The following ATP2B4 variants were observed in gnomAD, a reference collection of about 807,000 sequenced individuals.
ATP2B4 encodes ATPase plasma membrane Ca2+ transporting 4.
In ATP2B4, 39 loss-of-function variants were observed where a neutral mutation model predicts 110.3. The ratio of observed to expected loss-of-function variants is 0.35; its 90% CI spans 0.27 to 0.46. The LOEUF is 0.46. Ranked by LOEUF, ATP2B4 falls within the 20% of genes least tolerant of loss-of-function variation. The pLI, the probability that ATP2B4 is intolerant of heterozygous loss-of-function variation, is 1.00. For missense variants in ATP2B4, 1,135 were observed against 1,530.9 expected, an observed-to-expected ratio of 0.74 and a Z score of 4.32; for synonymous variants, 538 against 571.7, an observed-to-expected ratio of 0.94 and a Z score of 0.84.
chr1:203,711,964 C>T lies in ATP2B4; in HGVS notation c.2036C>T (p.Pro679Leu). Reference sequence around the variant, plus strand: ...CCCTTTCTTCACTCTCCATAGGTGCCAGATGCTATTGCCAAATGCAAACAA... The same window carrying T: ...CCCTTTCTTCACTCTCCATAGGTGCTAGATGCTATTGCCAAATGCAAACAA... ...GIEDPVRPEV[P>L]DAIAKCKQAG... The change falls in exon 13 of 21, where the codon CCA becomes CTA. Residue 679 changes from proline to leucine, a missense_variant. Physicochemically the swap from Pro to Leu is moderately conservative, Grantham distance 98. This residue lies in a region of ATP2B4 where 368 missense variants were observed against 455.9 expected (regional missense o/e 0.81). Coordinates refer to ENST00000357681, the MANE Select transcript of ATP2B4 (RefSeq NM_001684.5). 12 of 1,614,058 alleles carry T rather than the reference C, an allele frequency of 7.4e-6. No homozygotes were observed. Among genetic ancestry groups the T allele is most frequent in the Non-Finnish European group, 1.0e-5 (12 of 1,179,962 alleles).
At chr1:203,713,064 G>T in intron 13 of ATP2B4, 101 bp from the exon 14 acceptor site, 1 of 1,236,344 alleles carries the variant, frequency 8.1e-7, no homozygotes, top group Non-Finnish European at 1.2e-6. Context: ...GGACTGTGGT[G>T]TACCCAATCT....
chr1:203,721,290 T>A lies in ATP2B4; in HGVS notation c.2692T>A (p.Ser898Thr), dbSNP rs751446232. The change falls in exon 17 of 21, where the codon TCT becomes ACT. Residue 898 changes from serine to threonine, a missense_variant. Ser to Thr is a moderately conservative substitution (Grantham distance 58, BLOSUM62 1). Transcript: ENST00000357681. ...LALATEPPTESLLKRRPYGRN... is the reference protein window; with the variant it reads ...LALATEPPTETLLKRRPYGRN... ...CCTGGCCACAGAGCCCCCTACGGAA[T>A]CTCTGTTGAAGCGGCGCCCCTATGG... is the stretch of plus-strand genomic sequence containing the variant. 1 of 1,614,234 alleles carries A rather than the reference T, an allele frequency of 6.2e-7. No individual in the cohort carries two copies. Among genetic ancestry groups the A allele is most frequent in the Non-Finnish European group, 8.5e-7 (1 of 1,180,034 alleles).
intron 19 of ATP2B4, among the ~76,000 whole-genome samples, chr1:203,724,890 T>TTG (rs1553251257): frequency 6.8e-6 from 1 of 147,644 alleles, no homozygotes; most frequent in Non-Finnish European, 1.5e-5. Context: ...TTTTTTTTTT[T>TTG]TTCTGAGACA....
At chr1:203,657,815 A>G in intron 1 of ATP2B4, 1 of 536,208 alleles carries the variant, frequency 1.9e-6, no homozygotes, top group Non-Finnish European at 3.3e-6. Flanking sequence ...AACACTCTCA[A>G]TTTTAAGGTC....
chr1:203,632,313 C>T (rs1663293559), intron 1 of ATP2B4, among the ~76,000 whole-genome samples: 1 of 150,986 alleles, frequency 6.6e-6, no homozygotes, highest in Non-Finnish European at 1.5e-5. Flanking sequence ...ATATAGTATG[C>T]CACCTTTGGG....
chr1:203,654,042 T>C (rs1223921627), intron 1 of ATP2B4, among the ~76,000 whole-genome samples: 1 of 147,584 alleles, frequency 6.8e-6, no homozygotes, highest in Non-Finnish European at 1.5e-5. Flanking sequence ...GGAGTGCAAT[T>C]GTGCGATCTC....
intron 20 of ATP2B4, among the ~76,000 whole-genome samples, chr1:203,732,187 A>G (rs1666746237): frequency 6.6e-6 from 1 of 150,908 alleles, no homozygotes; most frequent in Non-Finnish European, 1.5e-5. Flanking sequence ...GGAAGGAAGG[A>G]AGAAAATGAA....
In ATP2B4 at chr1:203,739,999, GA is replaced by G; in HGVS notation, c.*147del. 1 of 890,058 alleles carries G rather than the reference GA, an allele frequency of 1.1e-6. No individual in the cohort carries two copies. Among genetic ancestry groups the G allele is most frequent in the Non-Finnish European group, 1.7e-6 (1 of 600,710 alleles). The allele number at this position is 890,058 out of a possible 1,614,324, so 55.1% of individuals were successfully genotyped here. ...GTGAAGTGAACCTCTACCTGACCAT[GA>G]AGAGGCAAGAGCACAGACTTACAAG... On this transcript the variant is annotated 3_prime_UTR_variant, in exon 21 of 21. Transcript: ENST00000357681.
Position 203,712,096 on chromosome 1 carries a change from A to G in ATP2B4, c.2168A>G (p.Glu723Gly). ...CCTGGGGATGACTTCCTGTGCTTAG[A>G]AGGCAAAGAATTCAACCGGCTCATC... is the stretch of plus-strand genomic sequence containing the variant. ...LTPGDDFLCLEGKEFNRLIRN... is the reference protein window; with the variant it reads ...LTPGDDFLCLGGKEFNRLIRN... Residue 723 changes from glutamate to glycine, a missense_variant, in exon 13 of 21, where the codon GAA becomes GGA. Glu to Gly is a moderately conservative substitution (Grantham distance 98, BLOSUM62 -2). Coordinates refer to ENST00000357681, the MANE Select transcript of ATP2B4 (RefSeq NM_001684.5). 1 of 1,614,124 alleles carries G rather than the reference A, an allele frequency of 6.2e-7. No homozygotes were observed. The highest frequency in any genetic ancestry group is 8.5e-7 in the Non-Finnish European group (1 of 1,180,018).
Position 203,699,564 on chromosome 1 carries a change from A to G in ATP2B4, c.496A>G (p.Thr166Ala). The stretch of plus-strand genomic sequence containing the variant: ...CTCAGTGATCATCGTGGTGTTAGTG[A>G]CTGCCTTTAATGATTGGAGCAAAGA... ...LFSVIIVVLVTAFNDWSKEKQ... is the reference protein window; with the variant it reads ...LFSVIIVVLVAAFNDWSKEKQ... Residue 166 changes from threonine to alanine, a missense_variant, in exon 4 of 21, where the codon ACT becomes GCT. Physicochemically the swap from Thr to Ala is moderately conservative, Grantham distance 58. This residue lies in a region of ATP2B4 where 101 missense variants were observed against 182.6 expected (regional missense o/e 0.55). Coordinates refer to ENST00000357681, the MANE Select transcript of ATP2B4 (RefSeq NM_001684.5). The G allele has an allele frequency of 6.8e-6, 11 of 1,614,160 alleles. No individual in the cohort carries two copies. The highest frequency in any genetic ancestry group is 9.3e-6 in the Non-Finnish European group (11 of 1,180,038).
chr1:203,716,034 C>A (rs1666150518), intron 15 of ATP2B4, among the ~76,000 whole-genome samples: 1 of 144,566 alleles, frequency 6.9e-6, no homozygotes, highest in African/African-American at 2.5e-5. Context: ...TTTTGACAGG[C>A]TCTCTCAGTG....
At chr1:203,636,317 T>C (rs1663435690) in intron 1 of ATP2B4, among the ~76,000 whole-genome samples, 1 of 152,124 alleles carries the variant, frequency 6.6e-6, no homozygotes, top group Admixed American at 6.5e-5. Flanking sequence ...ACCCAAATCA[T>C]TGTGCTACCC....
At chr1:203,710,834 AGTGG>A in intron 11 of ATP2B4, 39 bp from the exon 12 acceptor site, 1 of 1,432,502 alleles carries the variant, frequency 7.0e-7, no homozygotes, top group African/African-American at 1.4e-5. Flanking sequence ...AAACGTATTG[AGTGG>A]GAAGGGAGAC....
intron 1 of ATP2B4, among the ~76,000 whole-genome samples, chr1:203,631,563 A>T (rs1465409464): frequency 6.6e-6 from 1 of 152,178 alleles, no homozygotes; most frequent in Non-Finnish European, 1.5e-5. Context: ...AATGCCAGGA[A>T]TACAAACAAG....
rs368709190 is a variant in ATP2B4, at chr1:203,711,991, C to T, written c.2063C>T (p.Ala688Val). ...VPDAIAKCKQ[A>V]GITVRMVTGD... ...GATGCTATTGCCAAATGCAAACAAG[C>T]TGGCATTACTGTCAGAATGGTGACA... The change falls in exon 13 of 21, where the codon GCT becomes GTT. Residue 688 changes from alanine to valine, a missense_variant. Ala to Val is a moderately conservative substitution (Grantham distance 64). Coordinates refer to ENST00000357681, the MANE Select transcript of ATP2B4 (RefSeq NM_001684.5). 1.2e-6 allele frequency: 2 copies of T among 1,614,002 alleles called. No homozygotes were observed. The highest frequency in any genetic ancestry group is 2.7e-5 in the African/African-American group (2 of 74,926).
Position 203,733,354 on chromosome 1 carries a change from T to C in ATP2B4, c.3309+5783T>C, listed in dbSNP as rs149740832. The C allele has an allele frequency of 8.1e-6, 13 of 1,614,134 alleles. No individual in the cohort carries two copies. The East Asian group carries it at 2.5e-4, about 30-fold the overall frequency. ...ATGTAGCAGTTGCACCAGTCAAATC[T>C]TCCCCCACCACTTCTGTTCCTGCTG... On this transcript the variant is annotated intron_variant, in intron 20 of 20. Transcript: ENST00000357681.
At chr1:203,711,853 T>G in intron 12 of ATP2B4, 107 bp from the exon 13 acceptor site, 4 of 1,295,306 alleles carry the variant, frequency 3.1e-6, no homozygotes, top group Non-Finnish European at 4.3e-6. Flanking sequence ...TGGCACCACT[T>G]CTAGGGTGCC....
In ATP2B4 at chr1:203,741,827, C is replaced by T. The variant is rs989150769; in HGVS notation, c.*1973C>T. On this transcript the variant is annotated 3_prime_UTR_variant, in exon 21 of 21. Coordinates refer to ENST00000357681, the MANE Select transcript of ATP2B4 (RefSeq NM_001684.5). ...CTTAAATACTCATAGGGGAAAAAAACAGCTCACCCAAGGTGTTAGGTTTCA... is the reference window on the plus strand; with the variant it reads ...CTTAAATACTCATAGGGGAAAAAAATAGCTCACCCAAGGTGTTAGGTTTCA... 6.6e-5 allele frequency: 10 copies of T among 152,594 alleles called. No individual in the cohort carries two copies. The highest frequency in any genetic ancestry group is 2.2e-4 in the African/African-American group (9 of 41,440). 9.5% of individuals were successfully genotyped at this position (152,594 alleles called of 1,614,324 possible).
intron 1 of ATP2B4, among the ~76,000 whole-genome samples, chr1:203,678,709 C>T (rs1052457169): frequency 1.3e-5 from 2 of 152,190 alleles, no homozygotes; most frequent in Non-Finnish European, 2.9e-5. Flanking sequence ...TGGCAGATGC[C>T]TGCCTTTTAA....
Sources: gnomAD v4.1 joint callset for allele counts (sites outside exome capture counted in the v4.1 genomes callset) on GRCh38, gnomAD v4.1.1 for gene constraint, gnomAD v4.1.1 regional missense constraint, MANE v1.5 for transcripts, NCBI Gene and HGNC (gene_info 2026-07-23, HGNC 2026-07-21) for gene names.